SASH1: variants seen among roughly 807,000 people sequenced by gnomAD.
SASH1 encodes the protein SAM and SH3 domain containing 1.
SASH1 carries 44 observed loss-of-function variants against 125.2 expected under a neutral mutation model. That is an observed-to-expected ratio of 0.35 (90% CI 0.28 to 0.45). SASH1 has a LOEUF of 0.45. SASH1 is among the 20% of genes least tolerant of loss of function. SASH1 has a pLI of 1.00. For synonymous variants in SASH1, 639 were observed against 649.1 expected (o/e 0.98, Z 0.24); for missense variants, 1,426 against 1,614.5 (o/e 0.88, Z 2.00).
rs896096887 is a variant in SASH1 at position 148,551,521 on chromosome 6, T to C, written c.*2963T>C. 6.6e-6 allele frequency: 1 copy of C among 152,280 alleles called. No individual in the cohort carries two copies. Among genetic ancestry groups the C allele is most frequent in the African/African-American group, 2.4e-5 (1 of 41,466 alleles). 9.4% of individuals were successfully genotyped at this position (152,280 alleles called of 1,614,324 possible). A position where few individuals can be genotyped will look rare whatever the true frequency, so the allele number is the denominator to read the frequency against. The stretch of plus-strand genomic sequence containing the variant: ...TGCCTTAGTCAGAGGCCCTTTTCTC[T>C]GTCCTGAACCCCCAGGTATGGGTGA... On this transcript the variant is annotated 3_prime_UTR_variant, in exon 20 of 20. Coordinates refer to ENST00000367467, the MANE Select transcript of SASH1 (RefSeq NM_015278.5).
chr6:148,210,940 A>G, the SASH1 span, among the ~76,000 whole-genome samples: 4 of 152,248 alleles, frequency 2.6e-5, no homozygotes, highest in Non-Finnish European at 5.9e-5. Flanking sequence ...TAAAATTTAA[A>G]GTTCTGTTAA....
chr6:148,470,563 T>C (rs999960322), intron 5 of SASH1, among the ~76,000 whole-genome samples: 2 of 152,352 alleles, frequency 1.3e-5, no homozygotes, highest in Non-Finnish European at 2.9e-5. Context: ...TACTCTCCCC[T>C]TTCGCTTTGC....
chr6:148,326,373 T>TAC (rs1554235363), intron 1 of SASH1, among the ~76,000 whole-genome samples: 2 of 78,076 alleles, frequency 2.6e-5, no homozygotes, highest in Admixed American at 3.3e-4. Context: ...TATATATATA[T>TAC]ACATTCTTTT....
intron 16 of SASH1, among the ~76,000 whole-genome samples, chr6:148,536,193 T>G (rs910890627): frequency 1.3e-5 from 2 of 152,230 alleles, no homozygotes; most frequent in Non-Finnish European, 2.9e-5. Context: ...GTAAAGAGCC[T>G]GCACGGTAAC....
intron 4 of SASH1, among the ~76,000 whole-genome samples, chr6:148,460,765 T>C (rs200754883): frequency 1.2e-4 from 19 of 152,346 alleles, no homozygotes; most frequent in East Asian, 1.9e-4. Context: ...ATGTCATGCT[T>C]AATCATTATG....
intron 1 of SASH1, among the ~76,000 whole-genome samples, chr6:148,308,601 G>A (rs543610237): frequency 6.6e-6 from 1 of 151,238 alleles, no homozygotes; most frequent in East Asian, 2.0e-4. Flanking sequence ...TCACCACGTT[G>A]GTGAGGCTGG....
At chr6:148,446,499 A>G (rs944904682) in intron 4 of SASH1, among the ~76,000 whole-genome samples, 2 of 152,184 alleles carry the variant, frequency 1.3e-5, no homozygotes, top group Non-Finnish European at 2.9e-5. Context: ...ATTTGTATGC[A>G]TGTAAACAAA....
the SASH1 span, among the ~76,000 whole-genome samples, chr6:148,201,368 G>A: frequency 6.6e-6 from 1 of 152,098 alleles, no homozygotes; most frequent in Non-Finnish European, 1.5e-5. Context: ...ATTGCCATCC[G>A]GGGTGGGACC....
intron 1 of SASH1, among the ~76,000 whole-genome samples, chr6:148,307,030 TTC>T (rs1483558586): frequency 2.3e-5 from 1 of 44,102 alleles, no homozygotes; most frequent in Non-Finnish European, 4.4e-5. Flanking sequence ...TTTCTTTTCT[TTC>T]TTTCTTTCTT....
At chr6:148,364,803 A>G (rs560297338) in intron 1 of SASH1, among the ~76,000 whole-genome samples, 13 of 151,910 alleles carry the variant, frequency 8.6e-5, no homozygotes, top group African/African-American at 3.2e-4. Flanking sequence ...ATATTAAAAA[A>G]TTAAGAACAT....
chr6:148,460,143 A>C (rs186638942), intron 4 of SASH1, among the ~76,000 whole-genome samples: 43 of 152,356 alleles, frequency 2.8e-4, no homozygotes, highest in Admixed American at 2.7e-3. Context: ...TGCAATTAGC[A>C]GGGGATTGAA....
intron 1 of SASH1, among the ~76,000 whole-genome samples, chr6:148,363,406 C>T (rs1782324267): frequency 1.3e-5 from 2 of 151,816 alleles, no homozygotes; most frequent in South Asian, 4.2e-4. Flanking sequence ...CCTCCCAACA[C>T]TTCTTTTTTT....
At chr6:148,310,772 T>C (rs1020403919) in intron 1 of SASH1, among the ~76,000 whole-genome samples, 1 of 151,778 alleles carries the variant, frequency 6.6e-6, no homozygotes, top group Non-Finnish European at 1.5e-5. Flanking sequence ...ATCAGGAAAA[T>C]GCAAATTTAA....
chr6:148,452,748 A>G (rs565897702), intron 4 of SASH1, among the ~76,000 whole-genome samples: 1 of 152,260 alleles, frequency 6.6e-6, no homozygotes, highest in African/African-American at 2.4e-5. Flanking sequence ...TGGTGAGGGC[A>G]GTGAGTCTGT....
At chr6:148,349,858 T>C (rs9485281) in intron 1 of SASH1, among the ~76,000 whole-genome samples, 34,835 of 151,632 alleles carry the variant, frequency 0.23, 4,404 homozygotes, top group East Asian at 0.28. Context: ...TTCTTTTTTT[T>C]TTTTTGAGAC....
Position 148,487,649 on chromosome 6 carries a change from T to C in SASH1, c.663T>C (p.Ala221=), listed in dbSNP as rs1161264245. 5.6e-6 allele frequency: 9 copies of C among 1,613,480 alleles called. No individual in the cohort carries two copies. The highest frequency in any genetic ancestry group is 2.2e-5 in the East Asian group (1 of 44,786). Residue 221 remains alanine (A), a synonymous_variant, in exon 8 of 20, where the codon GCT becomes GCC. Coordinates refer to ENST00000367467, the MANE Select transcript of SASH1 (RefSeq NM_015278.5). ...ACGAGGCCCAGCACCGGCAGTCGGC[T>C]GCCCTGGACCCTGCTGACTGGCCAG... is the stretch of plus-strand genomic sequence containing the variant. ...KEYEAQHRQS[A]ALDPADWPDG...
chr6:148,290,885 T>TA (rs58070477), intron 1 of SASH1, among the ~76,000 whole-genome samples: 62,332 of 138,482 alleles, frequency 0.45, 14,132 homozygotes, highest in Admixed American at 0.51. Context: ...AAAAAAAAGT[T>TA]AAAAAAAAAA....
chr6:148,454,053 G>C (rs1242887891), intron 4 of SASH1, among the ~76,000 whole-genome samples: 2 of 152,176 alleles, frequency 1.3e-5, no homozygotes, highest in Admixed American at 6.5e-5. Context: ...AAAGTGAAGA[G>C]AGCAAGGACA....
chr6:148,493,271 A>G (rs983540753), intron 8 of SASH1, among the ~76,000 whole-genome samples: 1 of 152,042 alleles, frequency 6.6e-6, no homozygotes, highest in Non-Finnish European at 1.5e-5. Context: ...TATATATATG[A>G]CCCTTGCCCC....
Sources: gnomAD v4.1 joint callset for allele counts (sites outside exome capture counted in the v4.1 genomes callset) on GRCh38, gnomAD v4.1.1 for gene constraint, MANE v1.5 for transcripts, NCBI Gene and HGNC (gene_info 2026-07-23, HGNC 2026-07-21) for gene names.